Variants in PHGDH observed in about 807,000 individuals in gnomAD.
PHGDH encodes the protein phosphoglycerate dehydrogenase.
PHGDH carries 50 observed loss-of-function variants against 52.6 expected under a neutral mutation model. The ratio of observed to expected loss-of-function variants is 0.95; its 90% confidence interval spans 0.76 to 1.20. The LOEUF (loss-of-function observed/expected upper bound fraction) is 1.20. Among genes scored for constraint, PHGDH ranks in the 50% most tolerant of loss-of-function variants. The pLI is 0.00. For missense variants in PHGDH, 630 were observed against 684.6 expected (o/e 0.92, Z 0.89); for synonymous variants, 271 against 280.5 (o/e 0.97, Z 0.34).
At chr1:119,726,827 C>G in intron 3 of PHGDH, 24 bp from the exon 4 acceptor site, 1 of 1,610,660 alleles carries the variant, frequency 6.2e-7, no homozygotes, top group Non-Finnish European at 8.5e-7. Flanking sequence ...AATGGACCCT[C>G]TGAACCTGTG....
chr1:119,735,521 C>A, intron 7 of PHGDH, 78 bp downstream of exon 7: 1 of 1,413,662 alleles, frequency 7.1e-7, no homozygotes, highest in South Asian at 1.2e-5. Flanking sequence ...GAAAGCCTGG[C>A]GTTTTACAGA....
At chr1:119,717,066 G>C (rs1570986558) in intron 1 of PHGDH, among the ~76,000 whole-genome samples, 1 of 150,434 alleles carries the variant, frequency 6.6e-6, no homozygotes, top group Non-Finnish European at 1.5e-5. Context: ...ATTTTTTATT[G>C]TGCTCTTTAT....
chr1:119,716,249 A>G (rs1650929544), intron 1 of PHGDH, among the ~76,000 whole-genome samples: 1 of 152,126 alleles, frequency 6.6e-6, no homozygotes, highest in Admixed American at 6.5e-5. Flanking sequence ...GTGAGACCTG[A>G]TGCTCATCTG....
rs2101155256 is a variant in PHGDH at position 119,721,301 on chromosome 1, G to A, written c.270G>A (p.Arg90=). The part of the protein sequence containing the change: ...VDNVDLEAAT[R]KGILVMNTPN... ...ATGTGGATCTGGAGGCCGCAACAAGGAAGGGCATCTTGGTTATGAAGTAAG... is the reference window on the plus strand; with the variant it reads ...ATGTGGATCTGGAGGCCGCAACAAGAAAGGGCATCTTGGTTATGAAGTAAG... Residue 90 remains arginine (R), a synonymous_variant, in exon 2 of 12, where the codon AGG becomes AGA. Transcript: ENST00000641023. 6.2e-7 allele frequency: 1 copy of A among 1,614,118 alleles called. No individual in the cohort carries two copies. Among genetic ancestry groups the A allele is most frequent in the South Asian group, 1.1e-5 (1 of 91,080 alleles).
chr1:119,712,730 G>A (rs1474408208), intron 1 of PHGDH: 7 of 176,614 alleles, frequency 4.0e-5, no homozygotes. Flanking sequence ...CCAGTCTGGT[G>A]GCTGCTGGGG....
intron 5 of PHGDH, among the ~76,000 whole-genome samples, chr1:119,732,566 C>T (rs587641007): frequency 6.6e-5 from 10 of 152,322 alleles, no homozygotes; most frequent in African/African-American, 9.6e-5. Context: ...GGAACCCCAA[C>T]CCCCAGCTGA....
chr1:119,736,106 T>G (rs1283281613), intron 7 of PHGDH, among the ~76,000 whole-genome samples: 1 of 152,198 alleles, frequency 6.6e-6, no homozygotes. Flanking sequence ...GATTAGGTAG[T>G]TGTGGTTCGC....
intron 10 of PHGDH, 150 bp from the exon 11 acceptor site, chr1:119,742,657 C>G: frequency 1.5e-6 from 1 of 677,966 alleles, no homozygotes; most frequent in Non-Finnish European, 2.7e-6. Flanking sequence ...ACAGCTTGGC[C>G]CATTTGCCCT....
intron 1 of PHGDH, chr1:119,714,610 T>C (rs1214190280): frequency 6.6e-6 from 1 of 152,258 alleles, no homozygotes; most frequent in East Asian, 1.9e-4. Context: ...CTCACGCCTG[T>C]AATCCCAACA....
chr1:119,735,143 G>A, intron 6 of PHGDH, 152 bp from the exon 7 acceptor site: 1 of 961,900 alleles, frequency 1.0e-6, no homozygotes, highest in African/African-American at 1.6e-5. Context: ...AGCATCTGAG[G>A]AGGAAGAGAT....
chr1:119,715,698 C>T (rs1300859956), intron 1 of PHGDH: 2 of 152,198 alleles, frequency 1.3e-5, no homozygotes, highest in Non-Finnish European at 2.9e-5. Flanking sequence ...AGTTTTCTAG[C>T]TGAACAGCAG....
rs587748176 is a variant in PHGDH, at chr1:119,734,988, A to G, written c.643+222A>G. 9.7e-5 allele frequency: 61 copies of G among 630,108 alleles called. 1 individual carries two copies. Among genetic ancestry groups the G allele is most frequent in the Admixed American group, 6.5e-4 (24 of 37,114 alleles). 39.0% of individuals were successfully genotyped at this position (630,108 alleles called of 1,614,324 possible). On this transcript the variant is annotated intron_variant, in intron 6 of 11. Transcript: ENST00000641023. ...TCTAGGTAAGCTGGGCACAGGGACA[A>G]CCAGTGACCCCCATGGATGCTTTCT...
At chr1:119,733,810 C>T (rs952864596) in intron 5 of PHGDH, among the ~76,000 whole-genome samples, 4 of 152,090 alleles carry the variant, frequency 2.6e-5, no homozygotes, top group Admixed American at 2.0e-4. Context: ...TTTGTCTAAT[C>T]CTGGGCTCAC....
chr1:119,724,735 A>C (rs1363824678), intron 3 of PHGDH: 4 of 445,434 alleles, frequency 9.0e-6, no homozygotes, highest in Non-Finnish European at 1.8e-5. Context: ...TTTTTTCTGG[A>C]GGTGGAAGGA....
In PHGDH at chr1:119,744,176, T is replaced by C. The variant is rs1652340791; in HGVS notation, c.*136T>C. ...CTGCTTACACTGCACTCTGACCCTG[T>C]AGTACAGCAATAACCGTCTAATAAA... On this transcript the variant is annotated 3_prime_UTR_variant, in exon 12 of 12. Transcript: ENST00000641023. 1 of 796,948 alleles carries C rather than the reference T, an allele frequency of 1.3e-6. No individual in the cohort carries two copies. Among genetic ancestry groups the C allele is most frequent in the South Asian group, 1.4e-5 (1 of 72,106 alleles). 49.4% of individuals were successfully genotyped at this position (796,948 alleles called of 1,614,324 possible).
intron 8 of PHGDH, among the ~76,000 whole-genome samples, chr1:119,738,673 C>A (rs1221168850): frequency 6.6e-6 from 1 of 152,220 alleles, no homozygotes; most frequent in African/African-American, 2.4e-5. Context: ...GTCTGCCTTC[C>A]CCATCGCAGC....
chr1:119,729,910 G>A (rs1043827913), intron 5 of PHGDH: 33 of 152,200 alleles, frequency 2.2e-4, no homozygotes, highest in Admixed American at 2.2e-3. Flanking sequence ...GATGTCTCTG[G>A]AGGGTCATTC....
chr1:119,712,265 T>G, intron 1 of PHGDH, 105 bp downstream of exon 1: 3 of 874,528 alleles, frequency 3.4e-6, no homozygotes, highest in Non-Finnish European at 5.3e-6. Context: ...CCGTATCAAT[T>G]AGTTCCGGGG....
At chr1:119,742,692 A>T (rs587595099) in intron 10 of PHGDH, 115 bp from the exon 11 acceptor site, 1 of 737,600 alleles carries the variant, frequency 1.4e-6, no homozygotes, top group Admixed American at 2.0e-5. Context: ...TGAATTACTG[A>T]GCACATTATC....
Sources: allele counts gnomAD v4.1 joint callset (sites outside exome capture counted in the v4.1 genomes callset), GRCh38; gene constraint gnomAD v4.1.1; transcripts MANE v1.5; gene names NCBI Gene and HGNC (gene_info 2026-07-23, HGNC 2026-07-21).